The following PROX1 variants were observed in gnomAD, a reference collection of about 807,000 sequenced individuals.
PROX1 encodes the protein prospero homeobox protein 1.
Under a neutral mutation model 58.8 loss-of-function variants are expected in PROX1, and 7 were observed. The observed-to-expected ratio is 0.12, with a 90% confidence interval of 0.07 to 0.22. PROX1 has a LOEUF of 0.22. Ranked by LOEUF, PROX1 falls within the 10% of genes least tolerant of loss-of-function variation. The pLI is 1.00. For missense variants in PROX1, 675 were observed against 927.8 expected (o/e 0.73, Z 3.54); for synonymous variants, 350 against 358.3 (o/e 0.98, Z 0.26).
Position 214,035,862 on chromosome 1 carries a change from T to C in PROX1, c.*28T>C, listed in dbSNP as rs1664811632. The C allele has an allele frequency of 3.8e-6, 6 of 1,591,662 alleles. No individual in the cohort carries two copies. The highest frequency in any genetic ancestry group is 5.1e-6 in the Non-Finnish European group (6 of 1,166,130). On this transcript the variant is annotated 3_prime_UTR_variant, in exon 5 of 5. Transcript: ENST00000366958. ...ATTTCAACAACTCTTTTTGAATGTATGAAGAGTAGCAGTCCCCTTTGGATG... is the reference window on the plus strand; with the variant it reads ...ATTTCAACAACTCTTTTTGAATGTACGAAGAGTAGCAGTCCCCTTTGGATG...
chr1:213,988,876 T>A (rs898667270), intron 1 of PROX1, among the ~76,000 whole-genome samples: 1 of 151,932 alleles, frequency 6.6e-6, no homozygotes, highest in African/African-American at 2.4e-5. Context: ...GTTTGCTCCC[T>A]TTCCTTCTTT....
chr1:214,035,284 G>C (rs555113858), intron 4 of PROX1, among the ~76,000 whole-genome samples: 2 of 152,252 alleles, frequency 1.3e-5, no homozygotes, highest in Non-Finnish European at 2.9e-5. Flanking sequence ...AAAGAAATAG[G>C]ATTCAAATTC....
intron 2 of PROX1, among the ~76,000 whole-genome samples, chr1:214,000,845 G>A (rs910902996): frequency 2.6e-5 from 4 of 152,072 alleles, no homozygotes; most frequent in East Asian, 1.9e-4. Context: ...TTAGTGTGTA[G>A]GCAAAATTCT....
chr1:214,019,747 T>C (rs1664216201), intron 4 of PROX1, among the ~76,000 whole-genome samples: 3 of 152,290 alleles, frequency 2.0e-5, no homozygotes, highest in East Asian at 1.9e-4. Flanking sequence ...CCCAAGCACA[T>C]CTTCTTTGTT....
rs546641170 is a variant in PROX1 at position 214,008,729 on chromosome 1, C to T, written c.1834-2792C>T. Among the ~76,000 whole-genome samples the T allele has an allele frequency of 7.2e-5, 11 of 152,224 alleles. 1 individual carries two copies. The highest frequency in any genetic ancestry group is 2.4e-4 in the African/African-American group (10 of 41,532). ...ATACAATTCAGAGATGTTGGCATGG[C>T]GAGAGTTCTTCTTCTACAGGGGTGA... On this transcript the variant is annotated intron_variant, in intron 3 of 4. Transcript: ENST00000366958.
Position 214,036,830 on chromosome 1 carries a change from A to G in PROX1, c.*996A>G, listed in dbSNP as rs1261016690. On this transcript the variant is annotated 3_prime_UTR_variant, in exon 5 of 5. Transcript: ENST00000366958. ...ACTTGGCCATAAAATTCTTGCCTAC[A>G]CTAGAAGTTTGTTGACAGCCATTAG... 1 of 152,226 alleles carries G rather than the reference A, an allele frequency of 6.6e-6. No homozygotes were observed. The highest frequency in any genetic ancestry group is 2.4e-5 in the African/African-American group (1 of 41,464). The allele number at this position is 152,226 out of a possible 1,614,324, so 9.4% of individuals were successfully genotyped here.
In PROX1 at chr1:214,037,693, C is replaced by T. The variant is rs1166893495; in HGVS notation, c.*1859C>T. 1 of 152,158 alleles carries T rather than the reference C, an allele frequency of 6.6e-6. No homozygotes were observed. Among genetic ancestry groups the T allele is most frequent in the Non-Finnish European group, 1.5e-5 (1 of 68,016 alleles). The allele number at this position is 152,158 out of a possible 1,614,324, so 9.4% of individuals were successfully genotyped here. On this transcript the variant is annotated 3_prime_UTR_variant, in exon 5 of 5. Transcript: ENST00000366958. ...CAGCCACCTCACTCTGCACCCGCGG[C>T]CTCACACATCTCCCAGCTCACACTC...
intron 1 of PROX1, among the ~76,000 whole-genome samples, chr1:213,994,882 C>G (rs575277334): frequency 6.7e-6 from 1 of 148,606 alleles, no homozygotes; most frequent in South Asian, 2.2e-4. Context: ...AAACCAGGAG[C>G]AAAGATTTCA....
chr1:214,015,568 C>T (rs1664063851), intron 4 of PROX1, among the ~76,000 whole-genome samples: 1 of 151,962 alleles, frequency 6.6e-6, no homozygotes, highest in Middle Eastern at 3.4e-3. Flanking sequence ...AAGAAGATGA[C>T]GATCTCTGTC....
chr1:214,016,546 G>A (rs1309538581), intron 4 of PROX1, among the ~76,000 whole-genome samples: 5 of 152,166 alleles, frequency 3.3e-5, no homozygotes, highest in East Asian at 3.8e-4. Flanking sequence ...GGTGGGTGGC[G>A]AGGAGGAAAA....
Position 213,997,449 on chromosome 1 carries a change from G to C in PROX1, c.914G>C (p.Gly305Ala). The C allele has an allele frequency of 6.2e-7, 1 of 1,614,140 alleles. No individual in the cohort carries two copies. Among genetic ancestry groups the C allele is most frequent in the African/African-American group, 1.3e-5 (1 of 75,026 alleles). ...AATGAGATGTGCGAGCTAGACCCAG[G>C]ACAGTTTATTGACCGAGCTCGAGCC... is the stretch of plus-strand genomic sequence containing the variant. ...SDNEMCELDP[G>A]QFIDRARALI... The change falls in exon 2 of 5, where the codon GGA (glycine) becomes GCA (alanine). Residue 305 changes from glycine to alanine, a missense_variant. By Grantham distance (60) the Gly-to-Ala change is moderately conservative. Coordinates refer to ENST00000366958, the MANE Select transcript of PROX1 (RefSeq NM_001270616.2). This position sits in a 1 kb window ranked among gnomAD's most constrained non-coding sequence, Gnocchi z 7.1.
chr1:213,989,022 T>A (rs191789211), intron 1 of PROX1, among the ~76,000 whole-genome samples: 1 of 152,096 alleles, frequency 6.6e-6, no homozygotes, highest in East Asian at 1.9e-4. Flanking sequence ...GGTCCCCTTG[T>A]CCTTTCTCTT....
intron 1 of PROX1, among the ~76,000 whole-genome samples, chr1:213,992,836 A>T (rs1298753880): frequency 6.6e-6 from 1 of 152,192 alleles, no homozygotes; most frequent in Non-Finnish European, 1.5e-5. Context: ...TTCTTTATTA[A>T]AGTAGAGCAC....
chr1:214,030,612 C>T (rs1198717600), intron 4 of PROX1: 1 of 152,292 alleles, frequency 6.6e-6, no homozygotes, highest in Non-Finnish European at 1.5e-5. Flanking sequence ...CCGCAAGAGG[C>T]TGATGAATGA....
intron 3 of PROX1, among the ~76,000 whole-genome samples, chr1:214,007,518 T>C (rs959122403): frequency 6.6e-6 from 1 of 152,224 alleles, no homozygotes; most frequent in African/African-American, 2.4e-5. Flanking sequence ...CTTACACTGA[T>C]GAGAGTAGAA....
At chr1:213,995,372 A>C (rs1558167969) in intron 1 of PROX1, among the ~76,000 whole-genome samples, 1 of 152,186 alleles carries the variant, frequency 6.6e-6, no homozygotes, top group Non-Finnish European at 1.5e-5. Context: ...GAAACAATGG[A>C]AGTTCATATA....
chr1:213,985,124 C>T (rs529378950), upstream of PROX1: 25 of 152,302 alleles, frequency 1.6e-4, no homozygotes, highest in African/African-American at 4.8e-4. Flanking sequence ...TCAGAACTTG[C>T]GTTAACTTCT....
intron 4 of PROX1, among the ~76,000 whole-genome samples, chr1:214,032,517 C>G (rs932924171): frequency 1.3e-5 from 2 of 152,160 alleles, no homozygotes; most frequent in African/African-American, 4.8e-5. Flanking sequence ...ACCTCCACCT[C>G]CCAGTAGCTG....
At chr1:214,004,041 T>G (rs1216606339) in intron 2 of PROX1, among the ~76,000 whole-genome samples, 1 of 152,216 alleles carries the variant, frequency 6.6e-6, no homozygotes, top group Non-Finnish European at 1.5e-5. Flanking sequence ...TCTTAGACAC[T>G]CTTCTAAAAG....
Sources: allele counts gnomAD v4.1 joint callset (sites outside exome capture counted in the v4.1 genomes callset), GRCh38; gene constraint gnomAD v4.1.1; non-coding constraint Gnocchi (gnomAD v3.1); transcripts MANE v1.5; gene names NCBI Gene and HGNC (gene_info 2026-07-23, HGNC 2026-07-21).